Variants in TET2 observed in about 807,000 individuals in gnomAD.
TET2 encodes the protein tet methylcytosine dioxygenase 2, also known as methylcytosine dioxygenase TET2.
TET2 carries 299 observed loss-of-function variants against 142.9 expected under a neutral mutation model. The ratio of observed to expected loss-of-function variants is 2.09; its 90% CI spans 1.90 to 2.30. The LOEUF is 2.30. TET2 is among the 30% of genes most tolerant of loss of function. The pLI, the probability that TET2 is intolerant of heterozygous loss-of-function variation, is 0.00. For synonymous variants in TET2, 819 were observed against 849.0 expected (o/e 0.96, Z 0.61); for missense variants, 2,418 against 2,378.0 (o/e 1.02, Z -0.35).
At chr4:105,263,220 G>A (rs899849856) in intron 8 of TET2, among the ~76,000 whole-genome samples, 4 of 152,262 alleles carry the variant, frequency 2.6e-5, no homozygotes, top group Admixed American at 2.6e-4. Flanking sequence ...AAAGATCTTT[G>A]AACTTTATTC....
chr4:105,184,234 A>G (rs1177250735), intron 1 of TET2, among the ~76,000 whole-genome samples: 4 of 152,160 alleles, frequency 2.6e-5, no homozygotes, highest in Non-Finnish European at 5.9e-5. Context: ...ATATTCCCTC[A>G]TAACTTCTTT....
intron 2 of TET2, among the ~76,000 whole-genome samples, chr4:105,221,165 A>C (rs535868677): frequency 6.6e-6 from 1 of 152,248 alleles, no homozygotes; most frequent in Non-Finnish European, 1.5e-5. Context: ...CGTTTCCTTC[A>C]GTACACACTA....
At position 105,276,779 on chromosome 4, in the gene TET2, C is replaced by T. The variant is rs72950501; in HGVS notation, c.*260C>T. On this transcript the variant is annotated 3_prime_UTR_variant, in exon 11 of 11. Transcript: ENST00000380013. ...AAAGAAGGTGGGGAAGAAAGTGTTC[C>T]GCAATTTACATTTTTAAACACTGGT... 0.014 allele frequency: 5,404 copies of T among 391,044 alleles called. 83 individuals carry two copies. The highest frequency in any genetic ancestry group is 0.045 in the African/African-American group (2,167 of 48,476). The allele number at this position is 391,044 out of a possible 1,614,324, so 24.2% of individuals were successfully genotyped here.
intron 1 of TET2, among the ~76,000 whole-genome samples, chr4:105,182,604 T>G (rs1034074490): frequency 2.0e-5 from 3 of 152,218 alleles, no homozygotes; most frequent in Admixed American, 6.5e-5. Flanking sequence ...TTCCTATACG[T>G]TTTGAAATCT....
At chr4:105,160,819 C>G (rs370002290) in intron 1 of TET2, among the ~76,000 whole-genome samples, 279 of 152,244 alleles carry the variant, frequency 1.8e-3, no homozygotes, top group African/African-American at 6.5e-3. Context: ...CTCTGTCGCC[C>G]AGGCTGGAGT....
At chr4:105,245,089 A>C (rs931820502) in intron 6 of TET2, among the ~76,000 whole-genome samples, 1 of 152,232 alleles carries the variant, frequency 6.6e-6, no homozygotes, top group Admixed American at 6.5e-5. Flanking sequence ...GCATGGTTTT[A>C]CTAAATTTAT....
chr4:105,185,702 C>T (rs867729430), intron 1 of TET2, among the ~76,000 whole-genome samples: 10 of 152,200 alleles, frequency 6.6e-5, no homozygotes, highest in Middle Eastern at 3.4e-3. Flanking sequence ...TGGCGTGAAC[C>T]GGGGAGGCGG....
At chr4:105,222,406 T>A (rs544007593) in intron 2 of TET2, among the ~76,000 whole-genome samples, 26 of 152,352 alleles carry the variant, frequency 1.7e-4, no homozygotes, top group Admixed American at 1.4e-3. Flanking sequence ...TGATCGCCAT[T>A]CTAACTGGTG....
chr4:105,164,927 G>A (rs940297800), intron 1 of TET2, among the ~76,000 whole-genome samples: 17 of 152,076 alleles, frequency 1.1e-4, no homozygotes, highest in African/African-American at 3.9e-4. Context: ...GTCTTTATTA[G>A]ATACAATGAA....
At chr4:105,207,466 A>T (rs1026902112) in intron 2 of TET2, among the ~76,000 whole-genome samples, 1 of 152,176 alleles carries the variant, frequency 6.6e-6, no homozygotes, top group African/African-American at 2.4e-5. Context: ...TTTGGGATAT[A>T]CATTGAAGGA....
intron 1 of TET2, among the ~76,000 whole-genome samples, chr4:105,179,429 C>G (rs563444596): frequency 3.3e-5 from 5 of 152,270 alleles, no homozygotes; most frequent in Non-Finnish European, 5.9e-5. Flanking sequence ...GGGCATAATT[C>G]AGTTGCCTTC....
intron 1 of TET2, chr4:105,147,782 G>T (rs1481023808): frequency 6.6e-6 from 1 of 150,468 alleles, no homozygotes; most frequent in Non-Finnish European, 1.5e-5. Context: ...TCCCGAATCA[G>T]CTTCGTTTGG....
At chr4:105,274,927 A>G (rs1731123919) in intron 10 of TET2, 121 bp from the exon 11 acceptor site, 3 of 1,269,482 alleles carry the variant, frequency 2.4e-6, no homozygotes, top group East Asian at 5.2e-5. Context: ...TCTTTGCTTA[A>G]TGGGTGTCGT....
At chr4:105,261,234 A>G (rs186996522) in intron 7 of TET2, among the ~76,000 whole-genome samples, 83 of 152,194 alleles carry the variant, frequency 5.5e-4, no homozygotes, top group Non-Finnish European at 5.9e-5. Context: ...CCTTTCAAGT[A>G]AATTCTGCAA....
intron 1 of TET2, among the ~76,000 whole-genome samples, chr4:105,173,363 C>CAAA (rs71584289): frequency 5.2e-5 from 6 of 114,658 alleles, no homozygotes; most frequent in Non-Finnish European, 7.4e-5. Flanking sequence ...ACTAAAAATA[C>CAAA]AAAAAAAAAA....
chr4:105,211,443 A>T (rs1032314769), intron 2 of TET2, among the ~76,000 whole-genome samples: 5 of 152,236 alleles, frequency 3.3e-5, no homozygotes, highest in African/African-American at 1.2e-4. Flanking sequence ...AAATAAATAG[A>T]TGAAAGAATG....
At chr4:105,251,683 C>T (rs1434801601) in intron 6 of TET2, among the ~76,000 whole-genome samples, 4 of 152,016 alleles carry the variant, frequency 2.6e-5, no homozygotes, top group Non-Finnish European at 4.4e-5. Context: ...GTATACTGAT[C>T]TTTAGTTCTC....
chr4:105,269,051 A>G (rs1730823934), intron 8 of TET2, among the ~76,000 whole-genome samples: 1 of 152,226 alleles, frequency 6.6e-6, no homozygotes, highest in African/African-American at 2.4e-5. Flanking sequence ...GGATCAGAAT[A>G]GAGAATCCTT....
intron 1 of TET2, among the ~76,000 whole-genome samples, chr4:105,159,693 A>G (rs1578537252): frequency 6.6e-6 from 1 of 152,188 alleles, no homozygotes; most frequent in Non-Finnish European, 1.5e-5. Context: ...AGATTTGCAT[A>G]CCTGCCTCCC....
Sources: gnomAD v4.1 joint callset for allele counts (sites outside exome capture counted in the v4.1 genomes callset) on GRCh38, gnomAD v4.1.1 for gene constraint, MANE v1.5 for transcripts, NCBI Gene and HGNC (gene_info 2026-07-23, HGNC 2026-07-21) for gene names.